Variants in PREX1 observed in about 807,000 individuals in gnomAD.
PREX1 encodes the protein phosphatidylinositol-3,4,5-trisphosphate dependent Rac exchange factor 1, also known as phosphatidylinositol 3,4,5-trisphosphate-dependent Rac exchanger 1 protein.
In PREX1, 41 loss-of-function variants were observed where a neutral mutation model predicts 198.3. The ratio of observed to expected loss-of-function variants is 0.21; its 90% CI spans 0.16 to 0.27. The LOEUF (loss-of-function observed/expected upper bound fraction) is 0.27, where lower values mean the gene tolerates loss of function less well. Ranked by LOEUF, PREX1 falls within the 10% of genes least tolerant of loss-of-function variation. The probability of loss-of-function intolerance (pLI) is 1.00; values close to 1 mark genes in which losing one functional copy is unlikely to be tolerated. For missense variants in PREX1, 1,620 were observed against 2,200.7 expected, an observed-to-expected ratio of 0.74 and a Z score of 5.28; for synonymous variants, 843 against 887.2, an observed-to-expected ratio of 0.95 and a Z score of 0.89.
intron 16 of PREX1, among the ~76,000 whole-genome samples, chr20:48,658,981 C>A (rs1226399105): frequency 6.6e-6 from 1 of 152,008 alleles, no homozygotes; most frequent in African/African-American, 2.4e-5. Flanking sequence ...GTAATCCCAG[C>A]ACTTTGGGAG....
At chr20:48,660,186 T>C in intron 15 of PREX1, 125 bp from the exon 16 acceptor site, 2 of 1,146,480 alleles carry the variant, frequency 1.7e-6, no homozygotes, top group East Asian at 2.4e-5. Flanking sequence ...AACACTATTC[T>C]ATTAAAATGG....
At chr20:48,803,242 C>T (rs1364805131) in intron 1 of PREX1, among the ~76,000 whole-genome samples, 1 of 152,160 alleles carries the variant, frequency 6.6e-6, no homozygotes, top group African/African-American at 2.4e-5. Flanking sequence ...GGCTTCCCAG[C>T]AGCACAGGCC....
At chr20:48,841,378 G>T in the PREX1 span, among the ~76,000 whole-genome samples, 1 of 152,218 alleles carries the variant, frequency 6.6e-6, no homozygotes, top group Non-Finnish European at 1.5e-5. Flanking sequence ...CAATAATAAT[G>T]AATGGGTGTG....
chr20:48,786,826 A>C (rs2090314649), intron 1 of PREX1, among the ~76,000 whole-genome samples: 1 of 36,290 alleles, frequency 2.8e-5, no homozygotes. Flanking sequence ...AAAAAGAGAG[A>C]GAGAGAAAGA....
At chr20:48,709,220 G>A (rs554814144) in intron 5 of PREX1, among the ~76,000 whole-genome samples, 5 of 152,252 alleles carry the variant, frequency 3.3e-5, no homozygotes, top group South Asian at 2.1e-4. Context: ...AACCGCCCCC[G>A]TCAGTCTTTC....
At chr20:48,826,843 A>T (rs767581859) in intron 1 of PREX1, among the ~76,000 whole-genome samples, 4 of 152,206 alleles carry the variant, frequency 2.6e-5, no homozygotes, top group Non-Finnish European at 5.9e-5. Context: ...TGGGTGACTG[A>T]GGGAGACTCC....
intron 1 of PREX1, among the ~76,000 whole-genome samples, chr20:48,769,229 T>C (rs2090223230): frequency 6.6e-6 from 1 of 151,278 alleles, no homozygotes; most frequent in Admixed American, 6.6e-5. Flanking sequence ...ACAGGAAGCC[T>C]GTGTCTGCTC....
intron 1 of PREX1, among the ~76,000 whole-genome samples, chr20:48,775,532 G>T (rs1423731468): frequency 6.6e-6 from 1 of 152,114 alleles, no homozygotes; most frequent in African/African-American, 2.4e-5. Flanking sequence ...ACAGGTGAGA[G>T]TAAGGACTGG....
At chr20:48,789,224 AG>A in intron 1 of PREX1, among the ~76,000 whole-genome samples, 1 of 152,318 alleles carries the variant, frequency 6.6e-6, no homozygotes, top group African/African-American at 2.4e-5. Flanking sequence ...ATGTCATGGA[AG>A]GTTCCCAGCT....
At chr20:48,823,022 A>G (rs543179484) in intron 1 of PREX1, among the ~76,000 whole-genome samples, 1 of 152,308 alleles carries the variant, frequency 6.6e-6, no homozygotes, top group Non-Finnish European at 1.5e-5. Context: ...AAAAAACCAC[A>G]GTTTCTTGTT....
chr20:48,805,034 A>G (rs1444105527), intron 1 of PREX1, among the ~76,000 whole-genome samples: 1 of 152,210 alleles, frequency 6.6e-6, no homozygotes, highest in Non-Finnish European at 1.5e-5. Context: ...TAAATGATTG[A>G]GCAAGATGAG....
the PREX1 span, among the ~76,000 whole-genome samples, chr20:48,835,830 A>G: frequency 6.6e-6 from 1 of 152,190 alleles, no homozygotes; most frequent in Non-Finnish European, 1.5e-5. Context: ...ATGGGAAGTA[A>G]ACTAAGAGCA....
intron 3 of PREX1, among the ~76,000 whole-genome samples, chr20:48,737,774 C>A (rs964013464): frequency 1.1e-4 from 17 of 152,208 alleles, no homozygotes; most frequent in Non-Finnish European, 2.9e-5. Flanking sequence ...CCATGTGAGG[C>A]ATGCACCCCA....
At chr20:48,855,829 C>T in the PREX1 span, among the ~76,000 whole-genome samples, 11 of 152,276 alleles carry the variant, frequency 7.2e-5, no homozygotes, top group African/African-American at 2.4e-4. Context: ...ACCCAGGAGG[C>T]GGAGATTGTT....
intron 1 of PREX1, among the ~76,000 whole-genome samples, chr20:48,819,649 C>T: frequency 6.6e-6 from 1 of 152,214 alleles, no homozygotes; most frequent in Non-Finnish European, 1.5e-5. Context: ...GCTCAAGAAG[C>T]ATGTGGCACA....
chr20:48,649,952 A>G (rs746605270), intron 24 of PREX1, 44 bp downstream of exon 24: 5 of 1,598,982 alleles, frequency 3.1e-6, no homozygotes, highest in African/African-American at 1.3e-5. Context: ...AAGTATCTGG[A>G]GTGCAACATC....
At chr20:48,688,906 C>A in intron 9 of PREX1, 102 bp from the exon 10 acceptor site, 2 of 1,346,150 alleles carry the variant, frequency 1.5e-6, no homozygotes, top group Non-Finnish European at 2.1e-6. Flanking sequence ...AGCTGGCCTG[C>A]CACCTGCCCC....
chr20:48,851,034 C>T, the PREX1 span, among the ~76,000 whole-genome samples: 2 of 152,184 alleles, frequency 1.3e-5, no homozygotes, highest in Non-Finnish European at 2.9e-5. Context: ...CAAATTTTGG[C>T]TTCCATAAAT....
chr20:48,757,490 G>A (rs1212321501), intron 1 of PREX1, among the ~76,000 whole-genome samples: 1 of 152,262 alleles, frequency 6.6e-6, no homozygotes, highest in Non-Finnish European at 1.5e-5. Flanking sequence ...GAGGAAAACA[G>A]GGCATGAATC....
Sources: allele counts gnomAD v4.1 joint callset (sites outside exome capture counted in the v4.1 genomes callset), GRCh38; gene constraint gnomAD v4.1.1; transcripts MANE v1.5; gene names NCBI Gene and HGNC (gene_info 2026-07-23, HGNC 2026-07-21).